The following CHRAC1 variants were observed in gnomAD, a reference collection of about 807,000 sequenced individuals.
CHRAC1 encodes the protein chromatin accessibility complex subunit 1, also known as chromatin accessibility complex protein 1.
CHRAC1 carries 6 observed loss-of-function variants against 9.1 expected under a neutral mutation model. The ratio of observed to expected loss-of-function variants is 0.66; its 90% confidence interval spans 0.36 to 1.29. The LOEUF (loss-of-function observed/expected upper bound fraction) is 1.29, where lower values mean the gene tolerates loss of function less well. CHRAC1 is among the 50% of genes most tolerant of loss of function. The pLI, the probability that CHRAC1 is intolerant of heterozygous loss-of-function variation, is 0.03. For synonymous variants in CHRAC1, 73 were observed against 64.5 expected (o/e 1.13, Z -0.63); for missense variants, 168 against 163.5 (o/e 1.03, Z -0.15).
At position 140,511,464 on chromosome 8, in the gene CHRAC1, C is replaced by G; in HGVS notation, c.-36C>G. The G allele has an allele frequency of 5.3e-6, 7 of 1,309,658 alleles. No homozygotes were observed. The highest frequency in any genetic ancestry group is 6.9e-6 in the Non-Finnish European group (7 of 1,017,698). 81.1% of individuals were successfully genotyped at this position (1,309,658 alleles called of 1,614,324 possible). A position where few individuals can be genotyped will look rare whatever the true frequency, so the allele number is the denominator to read the frequency against. Reference sequence around the variant, plus strand: ...CAGGGCAGCCACTTCGCGGTCGGGCCCGCCGGCTGCGGGCACCCGCGCGAC... The same window carrying G: ...CAGGGCAGCCACTTCGCGGTCGGGCGCGCCGGCTGCGGGCACCCGCGCGAC... On this transcript the variant is annotated 5_prime_UTR_variant, in exon 1 of 3. Coordinates refer to ENST00000220913, the MANE Select transcript of CHRAC1 (RefSeq NM_017444.6).
chr8:140,513,924 T>C, intron 1 of CHRAC1, among the ~76,000 whole-genome samples: 1 of 116,508 alleles, frequency 8.6e-6, no homozygotes. Context: ...TTTTTTTTTT[T>C]TTTTTTTTTT....
At position 140,515,132 on chromosome 8, in the gene CHRAC1, T is replaced by C; in HGVS notation, c.281T>C (p.Leu94Ser). Residue 94 changes from leucine (L) to serine (S), a missense_variant, in exon 3 of 3, where the codon TTA becomes TCA. Transcript: ENST00000220913. ...SETFQFLADILPKKILASKYL... is the reference protein window; with the variant it reads ...SETFQFLADISPKKILASKYL... ...TACGCTTTATGTTTTTAAGATATAT[T>C]ACCAAAGAAGATTTTAGCTAGTAAA... The C allele has an allele frequency of 6.2e-7, 1 of 1,611,676 alleles. No homozygotes were observed.
Position 140,511,583 on chromosome 8 carries a change from GA to G in CHRAC1, c.86del (p.Lys29ArgfsTer28). 6.7e-7 allele frequency: 1 copy of G among 1,486,152 alleles called. No homozygotes were observed. The highest frequency in any genetic ancestry group is 2.2e-5 in the Admixed American group (1 of 45,326). The allele number at this position is 1,486,152 out of a possible 1,614,324, so 92.1% of individuals were successfully genotyped here. On this transcript the variant is annotated frameshift_variant, in exon 1 of 3. Transcript: ENST00000220913. LOFTEE classifies it high-confidence loss of function. ...LPLSRIRVIMKSSPEVSSINQ... is the reference protein window; with the variant it reads ...LPLSRIRVIMXSSPEVSSINQ... ...CTCTATCCCGCATCCGGGTCATCATGAAGAGCTCCCCCGAGGTGTCCAGCAT... is the reference window on the plus strand; with the variant it reads ...CTCTATCCCGCATCCGGGTCATCATGAGAGCTCCCCCGAGGTGTCCAGCAT...
chr8:140,513,455 A>T (rs1216700517), intron 1 of CHRAC1, among the ~76,000 whole-genome samples: 3 of 150,532 alleles, frequency 2.0e-5, no homozygotes, highest in Non-Finnish European at 3.0e-5. Flanking sequence ...TTTTTTTTTG[A>T]GACGGAGTCT....
intron 1 of CHRAC1, among the ~76,000 whole-genome samples, chr8:140,512,926 C>T (rs1042410628): frequency 6.6e-6 from 1 of 152,156 alleles, no homozygotes; most frequent in Non-Finnish European, 1.5e-5. Context: ...AGATGATTCT[C>T]CTGCCTCAGC....
chr8:140,513,434 ATTTTT>A (rs1311647986), intron 1 of CHRAC1, among the ~76,000 whole-genome samples: 1 of 150,458 alleles, frequency 6.6e-6, no homozygotes, highest in Non-Finnish European at 1.5e-5. Context: ...GCTACTTTCT[ATTTTT>A]TTTTCTTTTT....
At chr8:140,511,862 C>T (rs1468893034) in intron 1 of CHRAC1, 1 of 749,722 alleles carries the variant, frequency 1.3e-6, no homozygotes, top group Non-Finnish European at 2.1e-6. Context: ...CACCCCTCGC[C>T]GCTCCCTCAC....
Position 140,511,401 on chromosome 8 carries a change from C to T in CHRAC1, c.-99C>T, listed in dbSNP as rs1397174040. ...TCCCCACACTACAACTCCCACGGGG[C>T]AGCGGGCGCGGCTCCCCGTACCCAC... On this transcript the variant is annotated 5_prime_UTR_variant, in exon 1 of 3. Coordinates refer to ENST00000220913, the MANE Select transcript of CHRAC1 (RefSeq NM_017444.6). 15 of 1,092,068 alleles carry T rather than the reference C, an allele frequency of 1.4e-5. No individual in the cohort carries two copies. The highest frequency in any genetic ancestry group is 1.8e-5 in the Non-Finnish European group (15 of 840,386). The allele number at this position is 1,092,068 out of a possible 1,614,324, so 67.6% of individuals were successfully genotyped here.
chr8:140,516,387 A>C lies in CHRAC1; in HGVS notation c.*1140A>C, dbSNP rs1023603132. The C allele has an allele frequency of 6.6e-6, 1 of 151,834 alleles. No homozygotes were observed. Among genetic ancestry groups the C allele is most frequent in the African/African-American group, 2.4e-5 (1 of 41,324 alleles). The allele number at this position is 151,834 out of a possible 1,614,324, so 9.4% of individuals were successfully genotyped here. ...TGTCTCAAACTCCTAACCTCAACTG[A>C]TCCACCTGCCTCAGCCTCCCAAAGT... On this transcript the variant is annotated 3_prime_UTR_variant, in exon 3 of 3. Coordinates refer to ENST00000220913, the MANE Select transcript of CHRAC1 (RefSeq NM_017444.6).
chr8:140,512,492 T>A (rs1026380105), intron 1 of CHRAC1, among the ~76,000 whole-genome samples: 42 of 152,240 alleles, frequency 2.8e-4, no homozygotes, highest in South Asian at 1.2e-3. Context: ...TGTCTTTTTT[T>A]AAAAAAATTG....
At chr8:140,514,610 C>A in intron 2 of CHRAC1, 115 bp downstream of exon 2, 2 of 807,542 alleles carry the variant, frequency 2.5e-6, no homozygotes, top group Non-Finnish European at 1.8e-6. Flanking sequence ...CTACTTTTTC[C>A]AAGCCGCAAA....
intron 1 of CHRAC1, chr8:140,512,155 G>C (rs2072283763): frequency 2.1e-6 from 1 of 487,412 alleles, no homozygotes; most frequent in Non-Finnish European, 3.4e-6. Context: ...CTTCTCATTT[G>C]GGTTCTTTGG....
At position 140,514,362 on chromosome 8, in the gene CHRAC1, G is replaced by A. The variant is rs1467383497; in HGVS notation, c.148-7G>A. On this transcript the variant is annotated splice_polypyrimidine_tract_variant and splice_region_variant and intron_variant, in intron 1 of 2. Transcript: ENST00000220913. The stretch of plus-strand genomic sequence containing the variant: ...ACCTTTCATTTGCATTTTTCATTTT[G>A]TTCTAGGAGCTCTTTGTTCAATGCC... The A allele has an allele frequency of 6.4e-7, 1 of 1,573,030 alleles. No homozygotes were observed. The highest frequency in any genetic ancestry group is 8.6e-7 in the Non-Finnish European group (1 of 1,168,460).
chr8:140,513,962 C>G (rs1055785393), intron 1 of CHRAC1, among the ~76,000 whole-genome samples: 1 of 140,032 alleles, frequency 7.1e-6, no homozygotes, highest in Non-Finnish European at 1.5e-5. Context: ...GCTTGATCAC[C>G]CAGGCCAGAG....
chr8:140,512,960 G>C (rs1350870278), intron 1 of CHRAC1, among the ~76,000 whole-genome samples: 1 of 152,034 alleles, frequency 6.6e-6, no homozygotes, highest in Non-Finnish European at 1.5e-5. Flanking sequence ...GGGATTACAG[G>C]TGCCTGCCAT....
chr8:140,514,329 C>G (rs1378109613), intron 1 of CHRAC1, 40 bp from the exon 2 acceptor site: 4 of 1,559,236 alleles, frequency 2.6e-6, no homozygotes, highest in Non-Finnish European at 3.4e-6. Context: ...GGTACATTTT[C>G]AAAGCACACC....
chr8:140,511,688 G>GCGCCC (rs779058044), intron 1 of CHRAC1, 42 bp downstream of exon 1: 7 of 1,293,454 alleles, frequency 5.4e-6, no homozygotes, highest in East Asian at 6.2e-5. Flanking sequence ...CTTACCCCTC[G>GCGCCC]CGCCCCGCCC....
chr8:140,514,869 T>C, intron 2 of CHRAC1: 1 of 393,226 alleles, frequency 2.5e-6, no homozygotes, highest in African/African-American at 2.1e-5. Context: ...TCTCAGGTAG[T>C]CGGGCAGGGT....
chr8:140,514,510 A>C lies in CHRAC1; in HGVS notation c.274+15A>C, dbSNP rs1057285121. 7.8e-6 allele frequency: 12 copies of C among 1,538,140 alleles called. No homozygotes were observed. Among genetic ancestry groups the C allele is most frequent in the East Asian group, 4.8e-5 (2 of 41,410 alleles). Reference sequence around the variant, plus strand: ...GTTTCTTGCAGGTACTTAGTCTTTGAAACATTCTGGTTAAAAAATGATTAG... The same window carrying C: ...GTTTCTTGCAGGTACTTAGTCTTTGCAACATTCTGGTTAAAAAATGATTAG... On this transcript the variant is annotated intron_variant, in intron 2 of 2. Transcript: ENST00000220913.
Sources: allele counts gnomAD v4.1 joint callset (sites outside exome capture counted in the v4.1 genomes callset), GRCh38; gene constraint gnomAD v4.1.1; transcripts MANE v1.5; gene names NCBI Gene and HGNC (gene_info 2026-07-23, HGNC 2026-07-21).